Variants in ARHGEF12 observed in about 807,000 individuals in gnomAD.
ARHGEF12 encodes Rho guanine nucleotide exchange factor 12.
ARHGEF12 carries 66 observed loss-of-function variants against 211.2 expected under a neutral mutation model. That is an observed-to-expected ratio of 0.31 (90% CI 0.26 to 0.38). The LOEUF is 0.38. ARHGEF12 is among the 10% of genes least tolerant of loss of function. ARHGEF12 has a pLI of 1.00. For missense variants in ARHGEF12, 1,429 were observed against 1,869.5 expected, an observed-to-expected ratio of 0.76 and a Z score of 4.34; for synonymous variants, 592 against 638.4, an observed-to-expected ratio of 0.93 and a Z score of 1.09.
At chr11:120,411,806 G>A (rs1591557249) in intron 4 of ARHGEF12, 1 of 147,592 alleles carries the variant, frequency 6.8e-6, no homozygotes, top group African/African-American at 2.5e-5. Context: ...TTGAAGGAAT[G>A]ATTTGCCAGG....
At chr11:120,342,671 T>C (rs1942571392) in intron 1 of ARHGEF12, among the ~76,000 whole-genome samples, 2 of 152,186 alleles carry the variant, frequency 1.3e-5, no homozygotes, top group African/African-American at 2.4e-5. Context: ...GTCTTTAGGA[T>C]GGATATGAGA....
Position 120,475,514 on chromosome 11 carries a change from A to G in ARHGEF12, c.3277+7A>G, listed in dbSNP as rs2135977173. 2 of 1,613,266 alleles carry G rather than the reference A, an allele frequency of 1.2e-6. No individual in the cohort carries two copies. Among genetic ancestry groups the G allele is most frequent in the East Asian group, 2.2e-5 (1 of 44,866 alleles). ...GTTCGACAAGTGGCAACAGGCAAGTATGTCCACTGAAGGATACTAATTTCC... is the reference window on the plus strand; with the variant it reads ...GTTCGACAAGTGGCAACAGGCAAGTGTGTCCACTGAAGGATACTAATTTCC... On this transcript the variant is annotated splice_region_variant and intron_variant, in intron 33 of 40. Transcript: ENST00000397843.
chr11:120,458,052 A>T (rs1159330972), intron 24 of ARHGEF12, 28 bp from the exon 25 acceptor site: 1 of 1,594,006 alleles, frequency 6.3e-7, no homozygotes, highest in African/African-American at 1.4e-5. Context: ...AAAGTCTTCA[A>T]ATTGAATTCA....
At chr11:120,387,286 A>G (rs547299958) in intron 1 of ARHGEF12, among the ~76,000 whole-genome samples, 2 of 151,988 alleles carry the variant, frequency 1.3e-5, no homozygotes, top group African/African-American at 4.8e-5. Flanking sequence ...CTTCTAACAT[A>G]TTACATACAA....
At chr11:120,474,690 G>A (rs1023690003) in intron 32 of ARHGEF12, 55 bp downstream of exon 32, 30 of 1,417,816 alleles carry the variant, frequency 2.1e-5, no homozygotes, top group Non-Finnish European at 2.7e-5. Context: ...GGAAGGAATA[G>A]GAAAGTTTCC....
Position 120,477,485 on chromosome 11 carries a change from A to C in ARHGEF12, c.3491A>C (p.Glu1164Ala), listed in dbSNP as rs376201035. The C allele has an allele frequency of 4.0e-5, 64 of 1,608,476 alleles. No homozygotes were observed. The African/African-American group carries it at 7.5e-4, about 19-fold the overall frequency. Residue 1164 changes from glutamate to alanine, a missense_variant, in exon 36 of 41, where the codon GAG becomes GCG. Around this residue, in one of 7 missense-constraint regions of ARHGEF12, gnomAD observed 467 missense variants for 468.4 expected, o/e 1.00. Transcript: ENST00000397843. Reference sequence around the variant, plus strand: ...GAAGAAGATCCTTCAAAATTAAAAGAGGAGCAGCATGGCATTTCAGTCACT... The same window carrying C: ...GAAGAAGATCCTTCAAAATTAAAAGCGGAGCAGCATGGCATTTCAGTCACT... ...NDEEDPSKLK[E>A]EQHGISVTGL...
At chr11:120,351,364 A>AAAAAAGG (rs1942937045) in intron 1 of ARHGEF12, among the ~76,000 whole-genome samples, 2 of 122,088 alleles carry the variant, frequency 1.6e-5, no homozygotes, top group African/African-American at 5.8e-5. Flanking sequence ...AAAAAAAAAA[A>AAAAAAGG]GGTGAAATTT....
At chr11:120,478,414 C>A in intron 37 of ARHGEF12, 25 bp downstream of exon 37, 1 of 1,581,330 alleles carries the variant, frequency 6.3e-7, no homozygotes, top group Non-Finnish European at 8.7e-7. Context: ...TAACTTATTA[C>A]AGATACTTAC....
chr11:120,456,106 C>T (rs906097669), intron 22 of ARHGEF12, among the ~76,000 whole-genome samples: 3 of 152,124 alleles, frequency 2.0e-5, no homozygotes, highest in African/African-American at 7.2e-5. Flanking sequence ...ATATATATGT[C>T]ATAAGCATTC....
At position 120,460,557 on chromosome 11, in the gene ARHGEF12, C is replaced by A. The variant is rs1049020183; in HGVS notation, c.2528-115C>A. The A allele has an allele frequency of 6.6e-5, 44 of 668,348 alleles. 1 individual carries two copies. Among genetic ancestry groups the A allele is most frequent in the South Asian group, 3.9e-4 (19 of 48,936 alleles). 41.4% of individuals were successfully genotyped at this position (668,348 alleles called of 1,614,324 possible). On this transcript the variant is annotated intron_variant, in intron 26 of 40. Transcript: ENST00000397843. ...TTATATTTAAGGAGATAAGAAGCAG[C>A]TGTACTACTGTGAAAATCGTCTTTA...
intron 1 of ARHGEF12, among the ~76,000 whole-genome samples, chr11:120,386,215 C>A (rs575860199): frequency 1.3e-5 from 2 of 152,054 alleles, no homozygotes; most frequent in Non-Finnish European, 2.9e-5. Flanking sequence ...CTTTTTCTTT[C>A]CAATTATAGC....
intron 11 of ARHGEF12, among the ~76,000 whole-genome samples, chr11:120,434,350 C>T (rs1305479948): frequency 6.6e-6 from 1 of 152,046 alleles, no homozygotes; most frequent in Non-Finnish European, 1.5e-5. Context: ...GAAACTGAGG[C>T]CAAATAAATA....
chr11:120,376,081 A>G (rs1943716108), intron 1 of ARHGEF12, among the ~76,000 whole-genome samples: 1 of 152,164 alleles, frequency 6.6e-6, no homozygotes. Flanking sequence ...CACCAAAATA[A>G]TGTTTATCAG....
Position 120,442,167 on chromosome 11 carries a change from C to T in ARHGEF12, c.1267C>T (p.Leu423Phe), listed in dbSNP as rs759283013. The change falls in exon 15 of 41, where the codon CTT (leucine) becomes TTT (phenylalanine). Residue 423 changes from leucine (L) to phenylalanine (F), a missense_variant. This residue lies in a region of ARHGEF12 where 373 missense variants were observed against 467.5 expected (regional missense o/e 0.80). Coordinates refer to ENST00000397843, the MANE Select transcript of ARHGEF12 (RefSeq NM_015313.3). ...TNSKETRRIFLEFHQFFLDRS... is the reference protein window; with the variant it reads ...TNSKETRRIFFEFHQFFLDRS... Reference sequence around the variant, plus strand: ...TTCCAAAGAAACTCGTCGCATCTTCCTTGAGTTTCATCAGTTCTTTCTAGA... The same window carrying T: ...TTCCAAAGAAACTCGTCGCATCTTCTTTGAGTTTCATCAGTTCTTTCTAGA... 1.9e-6 allele frequency: 3 copies of T among 1,610,470 alleles called. No homozygotes were observed. The African/African-American group carries it at 4.0e-5, about 22-fold the overall frequency.
At position 120,394,101 on chromosome 11, in the gene ARHGEF12, T is replaced by G. The variant is rs137887261; in HGVS notation, c.33-12017T>G. The stretch of plus-strand genomic sequence containing the variant: ...AAGGAAATGGCAAAGTATTTTGTAT[T>G]GGATGAAAATGAAAACACAACATAT... On this transcript the variant is annotated intron_variant, in intron 1 of 40. Transcript: ENST00000397843. Among the ~76,000 whole-genome samples the G allele has an allele frequency of 2.7e-3, 411 of 152,232 alleles. 7 individuals are homozygous for G. Among genetic ancestry groups the G allele is most frequent in the Admixed American group, 0.02 (304 of 15,292 alleles).
intron 1 of ARHGEF12, among the ~76,000 whole-genome samples, chr11:120,348,012 C>A (rs78068152): frequency 3.9e-5 from 6 of 152,124 alleles, no homozygotes; most frequent in African/African-American, 1.4e-4. Flanking sequence ...TAACTAGCTT[C>A]TTTCATTGTG....
intron 1 of ARHGEF12, among the ~76,000 whole-genome samples, chr11:120,378,419 CT>C (rs1943790410): frequency 1.3e-5 from 2 of 152,092 alleles, no homozygotes; most frequent in Admixed American, 6.5e-5. Flanking sequence ...GTTTTTCTTT[CT>C]GTTTGTGGCT....
Position 120,448,330 on chromosome 11 carries a change from A to T in ARHGEF12, c.1719A>T (p.Gly573=). The T allele has an allele frequency of 6.2e-7, 1 of 1,614,008 alleles. No individual in the cohort carries two copies. Among genetic ancestry groups the T allele is most frequent in the Middle Eastern group, 1.7e-4 (1 of 6,060 alleles). Reference sequence around the variant, plus strand: ...TGGAGCACAAACGGGGTCGGATTGGATTTCTTCCCAAAATCAAGGTAAGAA... The same window carrying T: ...TGGAGCACAAACGGGGTCGGATTGGTTTTCTTCCCAAAATCAAGGTAAGAA... ...RNLEHKRGRI[G]FLPKIKQSMK... Residue 573 remains glycine, a synonymous_variant, in exon 20 of 41, where the codon GGA becomes GGT. Transcript: ENST00000397843.
At chr11:120,462,442 C>G (rs1190870252) in intron 27 of ARHGEF12, 1 of 152,196 alleles carries the variant, frequency 6.6e-6, no homozygotes, top group Non-Finnish European at 1.5e-5. Context: ...ACAGCTTAAA[C>G]TATTATGAGA....
Sources: gnomAD v4.1 joint callset for allele counts (sites outside exome capture counted in the v4.1 genomes callset) on GRCh38, gnomAD v4.1.1 for gene constraint, gnomAD v4.1.1 regional missense constraint, MANE v1.5 for transcripts, NCBI Gene and HGNC (gene_info 2026-07-23, HGNC 2026-07-21) for gene names.